Variants in CAST observed in about 807,000 individuals in gnomAD.
CAST encodes the protein MIR583 host.
CAST carries 76 observed loss-of-function variants against 119.6 expected under a neutral mutation model. That is an observed-to-expected ratio of 0.64 (90% CI 0.53 to 0.77). The LOEUF is 0.77. CAST is among the 30% of genes least tolerant of loss of function. The probability of loss-of-function intolerance (pLI) is 0.00; values close to 1 mark genes in which losing one functional copy is unlikely to be tolerated. For missense variants in CAST, 953 were observed against 946.5 expected (o/e 1.01, Z -0.09); for synonymous variants, 319 against 331.6 (o/e 0.96, Z 0.41).
At chr5:96,625,608 T>C (rs1747705794) in intron 1 of CAST, among the ~76,000 whole-genome samples, 1 of 152,238 alleles carries the variant, frequency 6.6e-6, no homozygotes, top group African/African-American at 2.4e-5. Flanking sequence ...GTAACATTCC[T>C]TAGCAAAGGT....
intron 3 of CAST, among the ~76,000 whole-genome samples, chr5:96,697,534 T>C (rs891397624): frequency 6.6e-6 from 1 of 152,218 alleles, no homozygotes; most frequent in African/African-American, 2.4e-5. Context: ...AATAAAAATA[T>C]AAAAATCATT....
chr5:96,257,723 C>G, the CAST span, among the ~76,000 whole-genome samples: 1 of 152,198 alleles, frequency 6.6e-6, no homozygotes, highest in African/African-American at 2.4e-5. Flanking sequence ...CTGCTGACCC[C>G]AGAACTAAGT....
chr5:96,647,823 C>A (rs1426368287), intron 1 of CAST, among the ~76,000 whole-genome samples: 1 of 152,102 alleles, frequency 6.6e-6, no homozygotes, highest in Non-Finnish European at 1.5e-5. Context: ...TTCGTAACCT[C>A]CAGAGCTGTG....
chr5:96,542,402 A>G (rs1318923455), intron 1 of CAST, among the ~76,000 whole-genome samples: 1 of 152,118 alleles, frequency 6.6e-6, no homozygotes, highest in Non-Finnish European at 1.5e-5. Flanking sequence ...TTCCACTAGC[A>G]ATGAATGAGA....
chr5:96,473,635 C>T, the CAST span, among the ~76,000 whole-genome samples: 2 of 152,164 alleles, frequency 1.3e-5, no homozygotes, highest in South Asian at 2.1e-4. Context: ...CTGACTATAT[C>T]GGGAAACCAA....
At chr5:96,492,491 AG>A in the CAST span, among the ~76,000 whole-genome samples, 4 of 152,160 alleles carry the variant, frequency 2.6e-5, no homozygotes, top group Admixed American at 2.0e-4. Flanking sequence ...TATTCTATTT[AG>A]TATGTTAGCC....
the CAST span, among the ~76,000 whole-genome samples, chr5:96,442,565 G>T: frequency 3.5e-4 from 53 of 152,352 alleles, no homozygotes; most frequent in African/African-American, 1.3e-3. Flanking sequence ...TGGCATTAAT[G>T]CCCAACGTAT....
the CAST span, chr5:96,433,162 G>T: frequency 2.1e-6 from 2 of 962,766 alleles, no homozygotes; most frequent in Admixed American, 1.8e-5. Flanking sequence ...CTGGCTCCTG[G>T]TTGCTCTGCG....
chr5:96,303,756 A>G, the CAST span, among the ~76,000 whole-genome samples: 8 of 152,180 alleles, frequency 5.3e-5, no homozygotes, highest in East Asian at 1.2e-3. Context: ...AGCTTCATCC[A>G]TATCCTTGAA....
chr5:96,759,712 AC>A (rs1301930022), intron 24 of CAST, among the ~76,000 whole-genome samples: 4 of 152,052 alleles, frequency 2.6e-5, no homozygotes, highest in African/African-American at 9.6e-5. Flanking sequence ...AAAAAACCTT[AC>A]AAAAAATACA....
chr5:95,969,815 C>T, the CAST span, among the ~76,000 whole-genome samples: 1 of 152,216 alleles, frequency 6.6e-6, no homozygotes, highest in African/African-American at 2.4e-5. Context: ...GTCTGGCAGG[C>T]ATTTGAAAAT....
At chr5:96,277,650 G>C in the CAST span, among the ~76,000 whole-genome samples, 20 of 152,092 alleles carry the variant, frequency 1.3e-4, no homozygotes, top group Non-Finnish European at 2.4e-4. Context: ...TAAAATTCTA[G>C]ATAATATCAG....
the CAST span, among the ~76,000 whole-genome samples, chr5:96,420,692 A>G: frequency 1.4e-5 from 2 of 140,664 alleles, no homozygotes. Context: ...ACTTTAGATC[A>G]GTATTACTGC....
intron 19 of CAST, 128 bp downstream of exon 19, chr5:96,748,741 A>C: frequency 1.8e-6 from 1 of 557,730 alleles, no homozygotes; most frequent in Non-Finnish European, 3.2e-6. Flanking sequence ...TTTCCATGTC[A>C]TTTTTGTCTT....
At chr5:96,580,384 A>G (rs1746749044) in intron 1 of CAST, among the ~76,000 whole-genome samples, 1 of 152,246 alleles carries the variant, frequency 6.6e-6, no homozygotes, top group South Asian at 2.1e-4. Flanking sequence ...ACAGTTTACC[A>G]ATAGTTTATT....
At chr5:96,168,569 T>G in the CAST span, among the ~76,000 whole-genome samples, 7 of 152,096 alleles carry the variant, frequency 4.6e-5, no homozygotes, top group African/African-American at 7.2e-5. Context: ...ATGATAGATG[T>G]GGAAGATACT....
chr5:96,504,402 A>T, the CAST span, among the ~76,000 whole-genome samples: 1 of 152,162 alleles, frequency 6.6e-6, no homozygotes, highest in African/African-American at 2.4e-5. Flanking sequence ...GCACATTTCC[A>T]CCCACACAGG....
At chr5:96,715,073 G>A (rs2150372739) in intron 3 of CAST, 1 of 152,264 alleles carries the variant, frequency 6.6e-6, no homozygotes. Context: ...CTACCCACAT[G>A]TTGCATCAGA....
At chr5:96,153,326 G>A in the CAST span, among the ~76,000 whole-genome samples, 1 of 152,132 alleles carries the variant, frequency 6.6e-6, no homozygotes, top group South Asian at 2.1e-4. Context: ...CAGAGAGAGA[G>A]AGACATCTGG....
Sources: gnomAD v4.1 joint callset for allele counts (sites outside exome capture counted in the v4.1 genomes callset) on GRCh38, gnomAD v4.1.1 for gene constraint, MANE v1.5 for transcripts, NCBI Gene and HGNC (gene_info 2026-07-23, HGNC 2026-07-21) for gene names.